GRIK2: variants seen among roughly 807,000 people sequenced by gnomAD.
GRIK2 encodes glutamate ionotropic receptor kainate type subunit 2, also known as glutamate receptor ionotropic, kainate 2.
GRIK2 carries 32 observed loss-of-function variants against 100.3 expected under a neutral mutation model. The ratio of observed to expected loss-of-function variants is 0.32; its 90% CI spans 0.24 to 0.43. The LOEUF (loss-of-function observed/expected upper bound fraction) is 0.43. GRIK2 is among the 20% of genes least tolerant of loss of function. GRIK2 has a pLI of 1.00. For missense variants in GRIK2, 843 were observed against 1,114.9 expected, an observed-to-expected ratio of 0.76 and a Z score of 3.47; for synonymous variants, 417 against 389.4, an observed-to-expected ratio of 1.07 and a Z score of -0.83.
intron 15 of GRIK2, among the ~76,000 whole-genome samples, chr6:102,053,949 T>C (rs1396093363): frequency 6.6e-6 from 1 of 152,174 alleles, no homozygotes; most frequent in African/African-American, 2.4e-5. Flanking sequence ...TGCACCTTCA[T>C]GTTAGATTAG....
chr6:101,897,665 C>T (rs1270097638), intron 12 of GRIK2, among the ~76,000 whole-genome samples: 1 of 151,720 alleles, frequency 6.6e-6, no homozygotes, highest in African/African-American at 2.4e-5. Context: ...TTTATATGAA[C>T]ATATACCTTT....
intron 4 of GRIK2, among the ~76,000 whole-genome samples, chr6:101,641,044 A>G (rs1781257099): frequency 6.6e-6 from 1 of 152,114 alleles, no homozygotes; most frequent in South Asian, 2.1e-4. Flanking sequence ...TCTGCTAAAT[A>G]TTCTTGTCCT....
chr6:101,824,090 G>A (rs1329379374), intron 10 of GRIK2, among the ~76,000 whole-genome samples: 1 of 151,834 alleles, frequency 6.6e-6, no homozygotes, highest in Non-Finnish European at 1.5e-5. Flanking sequence ...TGACCATGTT[G>A]GTCAGGCTGG....
chr6:101,585,724 A>G (rs1207098922), intron 2 of GRIK2, among the ~76,000 whole-genome samples: 1 of 152,126 alleles, frequency 6.6e-6, no homozygotes, highest in African/African-American at 2.4e-5. Context: ...AAGGTGACAC[A>G]TTATGAGCAA....
chr6:101,952,743 C>T (rs929673430), intron 14 of GRIK2, among the ~76,000 whole-genome samples: 3 of 152,086 alleles, frequency 2.0e-5, no homozygotes, highest in Non-Finnish European at 2.9e-5. Flanking sequence ...GCTGGGACCA[C>T]AGGTGCCCGC....
chr6:101,678,775 A>G lies in GRIK2; in HGVS notation c.723+1971A>G, dbSNP rs149558830. 7.9e-3 allele frequency among the ~76,000 whole-genome samples: 1,203 copies of G among 152,364 alleles called. 12 individuals are homozygous for G. The highest frequency in any genetic ancestry group is 0.026 in the African/African-American group (1,072 of 41,590). On this transcript the variant is annotated intron_variant, in intron 5 of 16. Transcript: ENST00000369134. Reference sequence around the variant, plus strand: ...CTAGTCTGGCTTCATCCAAGAATGAATAATAGGACTATGCAGAAAAATAAA... The same window carrying G: ...CTAGTCTGGCTTCATCCAAGAATGAGTAATAGGACTATGCAGAAAAATAAA...
chr6:101,835,346 G>A (rs778080109), intron 10 of GRIK2, among the ~76,000 whole-genome samples: 3 of 151,692 alleles, frequency 2.0e-5, no homozygotes, highest in Non-Finnish European at 4.4e-5. Flanking sequence ...TTAAGTAAGG[G>A]TGATTTAAAT....
At chr6:101,940,175 C>G (rs993605261) in intron 14 of GRIK2, among the ~76,000 whole-genome samples, 1 of 152,178 alleles carries the variant, frequency 6.6e-6, no homozygotes, top group Non-Finnish European at 1.5e-5. Context: ...AGAAATATGT[C>G]TGCCTTTGAA....
intron 2 of GRIK2, among the ~76,000 whole-genome samples, chr6:101,507,157 C>A (rs1356998635): frequency 6.6e-6 from 1 of 152,038 alleles, no homozygotes; most frequent in African/African-American, 2.4e-5. Flanking sequence ...CTCATAGAAC[C>A]TCCTTCAGAA....
intron 7 of GRIK2, among the ~76,000 whole-genome samples, chr6:101,758,001 G>A (rs1012440188): frequency 6.6e-6 from 1 of 152,184 alleles, no homozygotes; most frequent in Non-Finnish European, 1.5e-5. Flanking sequence ...GCTGAGGCAG[G>A]AAGATTGCTT....
At chr6:101,818,550 C>A in intron 10 of GRIK2, 67 bp downstream of exon 10, 1 of 852,600 alleles carries the variant, frequency 1.2e-6, no homozygotes, top group Non-Finnish European at 2.0e-6. Flanking sequence ...TAGAAAAGGA[C>A]ATTATAATTG....
intron 14 of GRIK2, among the ~76,000 whole-genome samples, chr6:101,932,134 G>C (rs1022605237): frequency 2.0e-5 from 3 of 151,928 alleles, no homozygotes; most frequent in African/African-American, 7.2e-5. Flanking sequence ...ATGATACCGA[G>C]TGCCCTTGTT....
chr6:101,621,236 T>C (rs1262983258), intron 2 of GRIK2, among the ~76,000 whole-genome samples: 1 of 152,122 alleles, frequency 6.6e-6, no homozygotes, highest in Non-Finnish European at 1.5e-5. Context: ...GCAGATGGCT[T>C]GAGCCCAGGA....
rs182528305 is a variant in GRIK2, at chr6:101,700,980, G to C, written c.951+14627G>C. On this transcript the variant is annotated intron_variant, in intron 7 of 16. Coordinates refer to ENST00000369134, the MANE Select transcript of GRIK2 (RefSeq NM_021956.5). ...TAGGAAGACTCTAGTGCTTTTCACC[G>C]AAGTGGGGCTATTGCAAAAGCAGGG... is the stretch of plus-strand genomic sequence containing the variant. Among the ~76,000 whole-genome samples the C allele has an allele frequency of 1.7e-4, 26 of 152,256 alleles. No individual in the cohort carries two copies. In the East Asian group the frequency reaches 2.3e-3, roughly 14 times the overall value.
intron 14 of GRIK2, among the ~76,000 whole-genome samples, chr6:102,016,540 CA>C (rs1267997718): frequency 2.5e-3 from 349 of 138,914 alleles, no homozygotes; most frequent in African/African-American, 8.6e-3. Flanking sequence ...AATAATAATA[CA>C]AAAAAAATAA....
intron 13 of GRIK2, chr6:101,927,307 T>C: frequency 1.4e-6 from 1 of 728,802 alleles, no homozygotes; most frequent in Non-Finnish European, 1.7e-6. Flanking sequence ...GTTACCTTAC[T>C]GCATCAGAGA....
At chr6:101,989,162 A>G (rs992208014) in intron 14 of GRIK2, among the ~76,000 whole-genome samples, 1 of 152,006 alleles carries the variant, frequency 6.6e-6, no homozygotes, top group Non-Finnish European at 1.5e-5. Context: ...GTAAATAAAT[A>G]TTTATTGACA....
chr6:101,963,951 C>G (rs2128483530), intron 14 of GRIK2, among the ~76,000 whole-genome samples: 1 of 151,990 alleles, frequency 6.6e-6, no homozygotes, highest in African/African-American at 2.4e-5. Flanking sequence ...TTACCTGGCT[C>G]TCTTCTTGGG....
intron 14 of GRIK2, among the ~76,000 whole-genome samples, chr6:101,984,948 G>T (rs181417329): frequency 1.6e-3 from 245 of 151,764 alleles, no homozygotes; most frequent in African/African-American, 5.7e-3. Flanking sequence ...AATGCCCCAT[G>T]ATCTGCTCCT....
Sources: allele counts gnomAD v4.1 joint callset (sites outside exome capture counted in the v4.1 genomes callset), GRCh38; gene constraint gnomAD v4.1.1; transcripts MANE v1.5; gene names NCBI Gene and HGNC (gene_info 2026-07-23, HGNC 2026-07-21).